MAP2K6: variants seen among roughly 807,000 people sequenced by gnomAD.
The protein encoded by MAP2K6 is mitogen-activated protein kinase kinase 6.
Under a neutral mutation model 53.7 loss-of-function variants are expected in MAP2K6, and 16 were observed. The ratio of observed to expected loss-of-function variants is 0.30; its 90% confidence interval spans 0.20 to 0.45. The LOEUF (loss-of-function observed/expected upper bound fraction) is 0.45, where lower values mean the gene tolerates loss of function less well. Among genes scored for constraint, MAP2K6 ranks in the 20% least tolerant of loss-of-function variants. The pLI is 1.00. For missense variants in MAP2K6, 204 were observed against 411.9 expected (o/e 0.50, Z 4.37); for synonymous variants, 132 against 143.1 (o/e 0.92, Z 0.55).
chr17:69,485,612 A>G (rs1198832292), intron 1 of MAP2K6: 1 of 186,276 alleles, frequency 5.4e-6, no homozygotes, highest in Non-Finnish European at 1.0e-5. Flanking sequence ...TTATACATCT[A>G]TACTGAGTGC....
Position 69,420,878 on chromosome 17 carries a change from T to G in MAP2K6, c.16+5878T>G, listed in dbSNP as rs997918794. 5.3e-5 allele frequency among the ~76,000 whole-genome samples: 8 copies of G among 152,302 alleles called. No homozygotes were observed. In the East Asian group the frequency reaches 1.5e-3, roughly 29 times the overall value. On this transcript the variant is annotated intron_variant, in intron 1 of 11. Transcript: ENST00000590474. The stretch of plus-strand genomic sequence containing the variant: ...TGTCCAAGAAATGGTGACATGTGAA[T>G]CATGGTGGTGGGGTTTCTTACCAGT...
intron 10 of MAP2K6, among the ~76,000 whole-genome samples, chr17:69,527,826 TAG>T (rs1157785910): frequency 1.3e-5 from 2 of 152,086 alleles, no homozygotes; most frequent in Non-Finnish European, 2.9e-5. Flanking sequence ...CCATGGTTTT[TAG>T]AAGTGCTGTG....
intron 1 of MAP2K6, chr17:69,501,902 T>C (rs1472235004): frequency 2.0e-5 from 3 of 150,546 alleles, no homozygotes; most frequent in African/African-American, 7.3e-5. Flanking sequence ...TTATTATTCA[T>C]AGTGCTCCCT....
chr17:69,535,879 TACACACAC>T (rs3216906), intron 10 of MAP2K6, among the ~76,000 whole-genome samples: 57 of 147,702 alleles, frequency 3.9e-4, no homozygotes, highest in African/African-American at 9.9e-4. Flanking sequence ...AAAAGGAAAG[TACACACAC>T]ACACACACAC....
intron 9 of MAP2K6, among the ~76,000 whole-genome samples, chr17:69,525,252 ATCC>A (rs1242641253): frequency 6.6e-6 from 1 of 152,120 alleles, no homozygotes; most frequent in Non-Finnish European, 1.5e-5. Flanking sequence ...CTATCTTCCT[ATCC>A]TCCTCTGTAA....
At chr17:69,437,205 A>G (rs1906673618) in intron 1 of MAP2K6, among the ~76,000 whole-genome samples, 1 of 152,180 alleles carries the variant, frequency 6.6e-6, no homozygotes, top group Admixed American at 6.5e-5. Flanking sequence ...TAACATACAC[A>G]ATTGATTAAC....
At chr17:69,539,397 C>A (rs947605583) in intron 11 of MAP2K6, among the ~76,000 whole-genome samples, 1 of 152,156 alleles carries the variant, frequency 6.6e-6, no homozygotes, top group Non-Finnish European at 1.5e-5. Flanking sequence ...CCTCATTTGT[C>A]AATTTCCTGG....
chr17:69,472,570 T>A (rs113183742), intron 1 of MAP2K6, among the ~76,000 whole-genome samples: 2,658 of 152,212 alleles, frequency 0.017, 75 homozygotes, highest in African/African-American at 0.06. Flanking sequence ...TGAGTGTGGG[T>A]GAGGGTGGGT....
intron 1 of MAP2K6, among the ~76,000 whole-genome samples, chr17:69,423,393 G>A (rs372047846): frequency 1.5e-4 from 23 of 152,356 alleles, no homozygotes; most frequent in African/African-American, 5.5e-4. Context: ...CAGCTGTCGA[G>A]TTGAGTAGTT....
intron 10 of MAP2K6, among the ~76,000 whole-genome samples, chr17:69,528,244 T>C (rs2716202): frequency 0.63 from 95,404 of 152,040 alleles, 30,357 homozygotes; most frequent in Middle Eastern, 0.74. Flanking sequence ...CCTTCTCATT[T>C]CTGGTACTTT....
At chr17:69,513,663 G>A (rs1261421627) in intron 2 of MAP2K6, among the ~76,000 whole-genome samples, 1 of 152,106 alleles carries the variant, frequency 6.6e-6, no homozygotes, top group Non-Finnish European at 1.5e-5. Flanking sequence ...ATTTGGAAAA[G>A]TCATTCTTAG....
chr17:69,525,628 A>G (rs1910730554), intron 9 of MAP2K6, among the ~76,000 whole-genome samples: 1 of 152,240 alleles, frequency 6.6e-6, no homozygotes, highest in Non-Finnish European at 1.5e-5. Context: ...GAGATGAGAC[A>G]GCCAAGTGAA....
At chr17:69,519,984 C>G (rs1910379777) in intron 5 of MAP2K6, 1 of 340,890 alleles carries the variant, frequency 2.9e-6, no homozygotes, top group South Asian at 3.9e-5. Flanking sequence ...GCCTGGATAT[C>G]TGGGGTTGTA....
rs994513249 is a variant in MAP2K6, at chr17:69,547,363, T to C, written c.*5610T>C. ...TGTGTTATACCATCTCTGTCACAGT[T>C]ACTCAGCTCTGCTGTTGTATCATGA... is the stretch of plus-strand genomic sequence containing the variant. On this transcript the variant is annotated 3_prime_UTR_variant, in exon 12 of 12. Coordinates refer to ENST00000590474, the MANE Select transcript of MAP2K6 (RefSeq NM_002758.4). 1 of 152,260 alleles carries C rather than the reference T, an allele frequency of 6.6e-6. No individual in the cohort carries two copies. The highest frequency in any genetic ancestry group is 2.4e-5 in the African/African-American group (1 of 41,466). The allele number at this position is 152,260 out of a possible 1,614,324, so 9.4% of individuals were successfully genotyped here.
chr17:69,547,728 A>G lies in MAP2K6; in HGVS notation c.*5975A>G, dbSNP rs116659584. On this transcript the variant is annotated 3_prime_UTR_variant, in exon 12 of 12. Transcript: ENST00000590474. ...AAGCTGATAGAACAATTTTCTTCAG[A>G]TCAAACTGAAGTACTTACTTTTTCC... is the stretch of plus-strand genomic sequence containing the variant. The G allele has an allele frequency of 7.1e-4, 108 of 152,362 alleles. No homozygotes were observed. The highest frequency in any genetic ancestry group is 2.5e-3 in the African/African-American group (103 of 41,582). 9.4% of individuals were successfully genotyped at this position (152,362 alleles called of 1,614,324 possible). A position where few individuals can be genotyped will look rare whatever the true frequency, so the allele number is the denominator to read the frequency against.
intron 1 of MAP2K6, among the ~76,000 whole-genome samples, chr17:69,426,011 G>C (rs141808588): frequency 8.6e-4 from 131 of 152,146 alleles, no homozygotes; most frequent in African/African-American, 3.0e-3. Flanking sequence ...CCTAAAAAGA[G>C]GACTTGGATA....
chr17:69,532,115 G>A (rs1404686285), intron 10 of MAP2K6, among the ~76,000 whole-genome samples: 1 of 152,118 alleles, frequency 6.6e-6, no homozygotes, highest in Non-Finnish European at 1.5e-5. Flanking sequence ...AAGGGTAGTG[G>A]AGGCCCACTC....
chr17:69,457,509 G>A (rs1339846100), intron 1 of MAP2K6, among the ~76,000 whole-genome samples: 1 of 152,208 alleles, frequency 6.6e-6, no homozygotes, highest in African/African-American at 2.4e-5. Flanking sequence ...TGGACTTGCA[G>A]ACCAGCAGCC....
chr17:69,524,992 A>G lies in MAP2K6; in HGVS notation c.741+14A>G, dbSNP rs766128035. On this transcript the variant is annotated intron_variant, in intron 9 of 11. Transcript: ENST00000590474. ...GGCATCACGATGGTAGTGTATGCCAATCATCATGAACTATGAGGTTGTGGG... is the reference window on the plus strand; with the variant it reads ...GGCATCACGATGGTAGTGTATGCCAGTCATCATGAACTATGAGGTTGTGGG... The G allele has an allele frequency of 6.4e-5, 103 of 1,603,816 alleles. No homozygotes were observed. Among genetic ancestry groups the G allele is most frequent in the Non-Finnish European group, 8.2e-5 (96 of 1,171,084 alleles).
Sources: gnomAD v4.1 joint callset for allele counts (sites outside exome capture counted in the v4.1 genomes callset) on GRCh38, gnomAD v4.1.1 for gene constraint, MANE v1.5 for transcripts, NCBI Gene and HGNC (gene_info 2026-07-23, HGNC 2026-07-21) for gene names.